Variants in PDS5A observed in about 807,000 individuals in gnomAD.
PDS5A encodes sister chromatid cohesion protein PDS5 homolog A.
Under a neutral mutation model 167.1 loss-of-function variants are expected in PDS5A, and 42 were observed. The ratio of observed to expected loss-of-function variants is 0.25; its 90% CI spans 0.20 to 0.33. The LOEUF (loss-of-function observed/expected upper bound fraction) is 0.33, where lower values mean the gene tolerates loss of function less well. PDS5A is among the 10% of genes least tolerant of loss of function. The probability of loss-of-function intolerance (pLI) is 1.00; values close to 1 mark genes in which losing one functional copy is unlikely to be tolerated. For synonymous variants in PDS5A, 553 were observed against 554.6 expected, an observed-to-expected ratio of 1.00 and a Z score of 0.04; for missense variants, 1,033 against 1,605.9, an observed-to-expected ratio of 0.64 and a Z score of 6.10.
At chr4:39,918,975 A>ATAC (rs1055972518) in intron 7 of PDS5A, among the ~76,000 whole-genome samples, 4 of 152,202 alleles carry the variant, frequency 2.6e-5, no homozygotes, top group Non-Finnish European at 5.9e-5. Context: ...AAAGCACAGA[A>ATAC]TACTACTTCT....
intron 6 of PDS5A, among the ~76,000 whole-genome samples, chr4:39,920,721 T>C (rs1038604826): frequency 3.3e-5 from 5 of 152,234 alleles, no homozygotes; most frequent in Admixed American, 6.5e-5. Flanking sequence ...TGTTAACCAA[T>C]GTAAACTGAC....
At chr4:39,859,339 A>T (rs1718794835) in intron 26 of PDS5A, among the ~76,000 whole-genome samples, 1 of 152,154 alleles carries the variant, frequency 6.6e-6, no homozygotes, top group Admixed American at 6.5e-5. Context: ...AGAATGCAGT[A>T]ACTGGATCAG....
intron 26 of PDS5A, among the ~76,000 whole-genome samples, chr4:39,852,164 T>A (rs191296004): frequency 2.6e-5 from 4 of 152,292 alleles, no homozygotes; most frequent in African/African-American, 9.6e-5. Context: ...ATGAACCAAT[T>A]GACTCAATAA....
chr4:39,842,909 T>TTATTTATATATATA (rs1553888365), intron 30 of PDS5A, among the ~76,000 whole-genome samples: 1 of 92,302 alleles, frequency 1.1e-5, no homozygotes, highest in Non-Finnish European at 1.9e-5. Flanking sequence ...TATCCTATTT[T>TTATTTATATATATA]TATATATATA....
intron 5 of PDS5A, among the ~76,000 whole-genome samples, chr4:39,923,638 A>AACACACACACACACACACACACACAC (rs10664167): frequency 2.5e-3 from 316 of 125,250 alleles, no homozygotes; most frequent in Admixed American, 3.6e-3. Flanking sequence ...CCTGTCTCAA[A>AACACACACACACACACACACACACAC]ACACACACAC....
chr4:39,839,831 T>C (rs780237032), intron 31 of PDS5A, among the ~76,000 whole-genome samples: 1 of 151,592 alleles, frequency 6.6e-6, no homozygotes, highest in Non-Finnish European at 1.5e-5. Flanking sequence ...CATTTAATAG[T>C]TGAGCCGTAA....
chr4:39,915,330 C>G (rs1459146743), intron 8 of PDS5A, among the ~76,000 whole-genome samples: 2 of 149,710 alleles, frequency 1.3e-5, no homozygotes, highest in African/African-American at 4.9e-5. Flanking sequence ...CATGAGGTAC[C>G]ACAACCGGCC....
chr4:39,871,092 C>T (rs1226691518), intron 21 of PDS5A, among the ~76,000 whole-genome samples: 2 of 151,982 alleles, frequency 1.3e-5, no homozygotes, highest in Non-Finnish European at 2.9e-5. Context: ...ATAAGAGATA[C>T]CTAGAATAGG....
rs35006378 is a variant in PDS5A, at chr4:39,910,346, GA to G, written c.993-9del. The G allele has an allele frequency of 2.2e-6, 3 of 1,347,826 alleles. No individual in the cohort carries two copies. The highest frequency in any genetic ancestry group is 3.2e-6 in the Non-Finnish European group (3 of 949,994). 83.5% of individuals were successfully genotyped at this position (1,347,826 alleles called of 1,614,324 possible). On this transcript the variant is annotated splice_polypyrimidine_tract_variant and intron_variant, in intron 9 of 32. Coordinates refer to ENST00000303538, the MANE Select transcript of PDS5A (RefSeq NM_001100399.2). ...ACATGAATATCATTAAATCTACACA[GA>G]AAAAGATTGCTAAACATTAATTGTA...
At chr4:39,970,692 C>T (rs1730431215) in intron 2 of PDS5A, among the ~76,000 whole-genome samples, 1 of 151,426 alleles carries the variant, frequency 6.6e-6, no homozygotes, top group South Asian at 2.1e-4. Context: ...ATACTTTGGC[C>T]TAACTTTCAT....
At chr4:39,909,051 A>AATATAAAATAAATAAAAT (rs1723650004) in intron 10 of PDS5A, among the ~76,000 whole-genome samples, 1 of 99,038 alleles carries the variant, frequency 1.0e-5, no homozygotes, top group Non-Finnish European at 2.1e-5. Context: ...AAAATAAAAT[A>AATATAAAATAAATAAAAT]AAATAAAATA....
chr4:39,892,720 T>C (rs182742418), intron 16 of PDS5A, among the ~76,000 whole-genome samples: 18 of 152,348 alleles, frequency 1.2e-4, no homozygotes. Flanking sequence ...ATATTTGGAC[T>C]TCTGAAGATA....
At position 39,977,536 on chromosome 4, in the gene PDS5A, G is replaced by C. The variant is rs1173112107; in HGVS notation, c.-120C>G. The C allele has an allele frequency of 1.2e-5, 2 of 161,364 alleles. No individual in the cohort carries two copies. Among genetic ancestry groups the C allele is most frequent in the South Asian group, 3.4e-4 (2 of 5,826 alleles). The allele number at this position is 161,364 out of a possible 1,614,324, so 10.0% of individuals were successfully genotyped here. ...TTGCGCCGCCGCCCCTAGTCGGGCT[G>C]CACACAAAGCGGCTCCGCGGGTCCC... is the stretch of plus-strand genomic sequence containing the variant. On this transcript the variant is annotated 5_prime_UTR_variant, in exon 1 of 33. Coordinates refer to ENST00000303538, the MANE Select transcript of PDS5A (RefSeq NM_001100399.2). This position sits in a 1 kb window ranked among gnomAD's most constrained non-coding sequence, Gnocchi z 4.2.
intron 2 of PDS5A, among the ~76,000 whole-genome samples, chr4:39,970,279 G>C (rs1277946456): frequency 5.3e-5 from 8 of 151,924 alleles, no homozygotes; most frequent in Admixed American, 5.2e-4. Context: ...ACCAACCGAA[G>C]ACCACTGTGG....
chr4:39,866,806 T>C (rs1719496802), intron 23 of PDS5A, 55 bp downstream of exon 23: 1 of 1,535,450 alleles, frequency 6.5e-7, no homozygotes, highest in Admixed American at 1.9e-5. Flanking sequence ...AATTCCTATG[T>C]AAATTCCACC....
At chr4:39,829,758 T>C (rs1017477959) in intron 32 of PDS5A, among the ~76,000 whole-genome samples, 1 of 151,792 alleles carries the variant, frequency 6.6e-6, no homozygotes, top group African/African-American at 2.4e-5. Context: ...AAGACCATCC[T>C]GGCTAACACG....
intron 26 of PDS5A, among the ~76,000 whole-genome samples, chr4:39,854,832 GAA>G (rs1718408578): frequency 6.6e-6 from 1 of 152,088 alleles, no homozygotes; most frequent in Admixed American, 6.6e-5. Flanking sequence ...ATATGAAGAA[GAA>G]AAAGTGTTGA....
chr4:39,911,661 T>G (rs1266003800), intron 9 of PDS5A, among the ~76,000 whole-genome samples: 1 of 151,854 alleles, frequency 6.6e-6, no homozygotes, highest in African/African-American at 2.4e-5. Context: ...TGAAACCCTG[T>G]CTCTACTAAA....
At chr4:39,877,453 T>C (rs930712057) in intron 18 of PDS5A, among the ~76,000 whole-genome samples, 7 of 152,144 alleles carry the variant, frequency 4.6e-5, no homozygotes, top group Non-Finnish European at 8.8e-5. Flanking sequence ...TCCTTTTTTA[T>C]GGAATGTGAT....
Sources: allele counts gnomAD v4.1 joint callset (sites outside exome capture counted in the v4.1 genomes callset), GRCh38; gene constraint gnomAD v4.1.1; non-coding constraint Gnocchi (gnomAD v3.1); transcripts MANE v1.5; gene names NCBI Gene and HGNC (gene_info 2026-07-23, HGNC 2026-07-21).